Variants in TLE4 observed in about 807,000 individuals in gnomAD.
TLE4 encodes the protein transducin-like enhancer protein 4.
A neutral mutation model predicts 92.8 loss-of-function variants in TLE4; 8 were observed. The observed-to-expected ratio is 0.09, with a 90% CI of 0.05 to 0.16. The LOEUF (loss-of-function observed/expected upper bound fraction) is 0.16, where lower values mean the gene tolerates loss of function less well. Among genes scored for constraint, TLE4 ranks in the 10% least tolerant of loss-of-function variants. The pLI is 1.00. For synonymous variants in TLE4, 371 were observed against 374.1 expected, an observed-to-expected ratio of 0.99 and a Z score of 0.10; for missense variants, 675 against 997.6, an observed-to-expected ratio of 0.68 and a Z score of 4.36.
At chr9:79,708,072 T>G in intron 11 of TLE4, 46 bp from the exon 12 acceptor site, 2 of 1,599,796 alleles carry the variant, frequency 1.3e-6, no homozygotes, top group South Asian at 2.2e-5. Context: ...ACGTCATTGT[T>G]AAAACCATGT....
chr9:79,718,179 C>CTTTTTTTTTTTT (rs879503984), intron 14 of TLE4: 13 of 335,028 alleles, frequency 3.9e-5, no homozygotes, highest in African/African-American at 2.9e-4. Flanking sequence ...AGGGCTTTAT[C>CTTTTTTTTTTTT]TTTTTTTTTT....
chr9:79,666,577 A>G (rs902141556), intron 8 of TLE4, among the ~76,000 whole-genome samples: 1 of 152,162 alleles, frequency 6.6e-6, no homozygotes, highest in Non-Finnish European at 1.5e-5. Context: ...AATCTCTGTC[A>G]TGTTCCTATG....
At chr9:79,580,753 T>C (rs2132011662) in intron 4 of TLE4, among the ~76,000 whole-genome samples, 1 of 152,096 alleles carries the variant, frequency 6.6e-6, no homozygotes, top group East Asian at 1.9e-4. Context: ...TGAACTCTTG[T>C]ATAATAATGA....
At chr9:79,605,847 G>C (rs556977155) in intron 4 of TLE4, among the ~76,000 whole-genome samples, 2 of 152,020 alleles carry the variant, frequency 1.3e-5, no homozygotes, top group Non-Finnish European at 2.9e-5. Flanking sequence ...GCATAAATAT[G>C]AGTTCAAAAC....
chr9:79,719,166 T>C (rs2075135836), intron 15 of TLE4, among the ~76,000 whole-genome samples, 195 bp downstream of exon 15: 1 of 152,132 alleles, frequency 6.6e-6, no homozygotes, highest in Admixed American at 6.5e-5. Context: ...TCTTCATGTG[T>C]GGCATGTGCA....
At chr9:79,721,946 C>A in intron 17 of TLE4, 58 bp downstream of exon 17, 1 of 1,567,644 alleles carries the variant, frequency 6.4e-7, no homozygotes. Context: ...GTGGGCGGAT[C>A]ACCAGGTCAG....
intron 3 of TLE4, among the ~76,000 whole-genome samples, chr9:79,575,373 C>T (rs760438774): frequency 1.3e-4 from 20 of 152,116 alleles, no homozygotes; most frequent in Non-Finnish European, 2.8e-4. Context: ...TGTTTTATTT[C>T]TTTGAAAAGG....
At chr9:79,698,933 A>T (rs1484624006) in intron 8 of TLE4, among the ~76,000 whole-genome samples, 2 of 150,856 alleles carry the variant, frequency 1.3e-5, no homozygotes, top group African/African-American at 4.9e-5. Context: ...TAATATGTTA[A>T]AATGTTTTAT....
rs1564044300 is a variant in TLE4, at chr9:79,572,843, CGGGCGGCG to C, written c.45+14_45+21del. On this transcript the variant is annotated intron_variant, in intron 1 of 19. Transcript: ENST00000376552. Reference sequence around the variant, plus strand: ...CCGCAGACCAGACACCCAGTGAGTGCGGGCGGCGGGGCGCGGGCTCGCCGGGTGCTGGG... The same window carrying C: ...CCGCAGACCAGACACCCAGTGAGTGCGGGCGCGGGCTCGCCGGGTGCTGGG... 2 of 1,592,536 alleles carry C rather than the reference CGGGCGGCG, an allele frequency of 1.3e-6. No individual in the cohort carries two copies. The highest frequency in any genetic ancestry group is 1.7e-6 in the Non-Finnish European group (2 of 1,170,346).
chr9:79,604,005 C>T (rs2046272914), intron 4 of TLE4, among the ~76,000 whole-genome samples: 1 of 152,132 alleles, frequency 6.6e-6, no homozygotes, highest in African/African-American at 2.4e-5. Flanking sequence ...ATGTGCATTA[C>T]AGTTTGAGAA....
Position 79,695,825 on chromosome 9 carries a change from A to G in TLE4, c.610-8958A>G, listed in dbSNP as rs148008455. On this transcript the variant is annotated intron_variant, in intron 8 of 19. Transcript: ENST00000376552. ...AGATGCTAGCCACTCAGGCTGGGAA[A>G]GAGAGTTCTTGGCAGAAGTCTGCAC... 2.4e-4 allele frequency among the ~76,000 whole-genome samples: 36 copies of G among 152,356 alleles called. No individual in the cohort carries two copies. The East Asian group carries it at 6.2e-3, about 26-fold the overall frequency.
At chr9:79,586,915 G>GGACT (rs2041250812) in intron 4 of TLE4, among the ~76,000 whole-genome samples, 2 of 152,084 alleles carry the variant, frequency 1.3e-5, no homozygotes, top group South Asian at 4.1e-4. Context: ...TCGGGTAAAT[G>GGACT]GACTACCCAT....
chr9:79,607,076 G>A (rs1260819098), intron 4 of TLE4, among the ~76,000 whole-genome samples: 1 of 152,152 alleles, frequency 6.6e-6, no homozygotes, highest in Non-Finnish European at 1.5e-5. Flanking sequence ...TCTAACTGGT[G>A]TGAGATGGTA....
At chr9:79,720,608 T>A (rs1338340608) in intron 16 of TLE4, among the ~76,000 whole-genome samples, 2 of 152,150 alleles carry the variant, frequency 1.3e-5, no homozygotes, top group Non-Finnish European at 2.9e-5. Flanking sequence ...ATGAGGTCAA[T>A]TTGACATAAT....
chr9:79,671,483 C>A, intron 8 of TLE4: 1 of 299,862 alleles, frequency 3.3e-6, no homozygotes. Flanking sequence ...GTGTTGTAAA[C>A]CATAACAATT....
At chr9:79,610,227 A>G (rs1393232560) in intron 4 of TLE4, among the ~76,000 whole-genome samples, 2 of 152,110 alleles carry the variant, frequency 1.3e-5, no homozygotes, top group East Asian at 3.9e-4. Context: ...CATTACAATG[A>G]CAAATATCAA....
At chr9:79,691,602 GCTCC>G (rs1294117308) in intron 8 of TLE4, among the ~76,000 whole-genome samples, 1 of 152,084 alleles carries the variant, frequency 6.6e-6, no homozygotes, top group African/African-American at 2.4e-5. Context: ...TCTCCCACCT[GCTCC>G]CTCCACGTCA....
chr9:79,634,852 T>C (rs568659129), intron 6 of TLE4, among the ~76,000 whole-genome samples: 21 of 152,320 alleles, frequency 1.4e-4, no homozygotes, highest in African/African-American at 5.1e-4. Flanking sequence ...CAGACTGATA[T>C]TCTATTGTAT....
At chr9:79,631,615 A>AGTGTGTGTGTGTGTGTGTGT (rs2054218595) in intron 6 of TLE4, among the ~76,000 whole-genome samples, 1 of 29,604 alleles carries the variant, frequency 3.4e-5, no homozygotes, top group East Asian at 1.5e-3. Flanking sequence ...TTGAACCTTA[A>AGTGTGTGTGTGTGTGTGTGT]ATGTGTGTGT....
Sources: allele counts gnomAD v4.1 joint callset (sites outside exome capture counted in the v4.1 genomes callset), GRCh38; gene constraint gnomAD v4.1.1; transcripts MANE v1.5; gene names NCBI Gene and HGNC (gene_info 2026-07-23, HGNC 2026-07-21).